Variants in RFX4 observed in about 807,000 individuals in gnomAD.
The protein encoded by RFX4 is regulatory factor X4.
RFX4 carries 10 observed loss-of-function variants against 95.0 expected under a neutral mutation model. The observed-to-expected ratio is 0.11, with a 90% CI of 0.06 to 0.18. The LOEUF is 0.18. Ranked by LOEUF, RFX4 falls within the 10% of genes least tolerant of loss-of-function variation. The pLI is 1.00. For missense variants in RFX4, 640 were observed against 922.0 expected, an observed-to-expected ratio of 0.69 and a Z score of 3.96; for synonymous variants, 321 against 340.7, an observed-to-expected ratio of 0.94 and a Z score of 0.64.
intron 3 of RFX4, 84 bp from the exon 4 acceptor site, chr12:106,654,144 A>G: frequency 2.6e-6 from 4 of 1,564,408 alleles, no homozygotes; most frequent in Non-Finnish European, 2.6e-6. Flanking sequence ...AGGACTGCCC[A>G]TCTCTGGAGG....
At chr12:106,754,603 T>C (rs1390320366) in intron 17 of RFX4, among the ~76,000 whole-genome samples, 1 of 152,158 alleles carries the variant, frequency 6.6e-6, no homozygotes, top group African/African-American at 2.4e-5. Flanking sequence ...TTAAAGCCAT[T>C]GCCATAAAAA....
At chr12:106,643,225 C>A (rs2040671460) in intron 3 of RFX4, among the ~76,000 whole-genome samples, 1 of 152,046 alleles carries the variant, frequency 6.6e-6, no homozygotes, top group Admixed American at 6.6e-5. Context: ...GTAGGGGGAA[C>A]AATGTCTCAG....
chr12:106,725,642 C>A (rs561096700), intron 13 of RFX4, among the ~76,000 whole-genome samples: 1 of 151,850 alleles, frequency 6.6e-6, no homozygotes, highest in Non-Finnish European at 1.5e-5. Context: ...ATTAAGGTAT[C>A]ATTACTAAAA....
In RFX4 at chr12:106,720,105, T is replaced by G. The variant is rs1391855492; in HGVS notation, c.1233+51T>G. The G allele has an allele frequency of 2.7e-6, 4 of 1,469,606 alleles. No homozygotes were observed. Among genetic ancestry groups the G allele is most frequent in the Non-Finnish European group, 3.8e-6 (4 of 1,049,740 alleles). The allele number at this position is 1,469,606 out of a possible 1,614,324, so 91.0% of individuals were successfully genotyped here. On this transcript the variant is annotated intron_variant, in intron 12 of 17. Transcript: ENST00000392842. This position sits in a 1 kb window ranked among gnomAD's most constrained non-coding sequence, Gnocchi z 4.2. ...AGCCTTGGGCCCTGCAGCCCACCAC[T>G]GCCCTCTGTGAACTTGGCCAAGACA...
intron 13 of RFX4, among the ~76,000 whole-genome samples, chr12:106,723,798 C>T (rs1288454338): frequency 6.6e-6 from 1 of 152,144 alleles, no homozygotes; most frequent in Non-Finnish European, 1.5e-5. Flanking sequence ...CAGGCCCCCA[C>T]CAAGCACTAA....
rs768888846 is a variant in RFX4 at position 106,620,303 on chromosome 12, C to T, written c.130+11420C>T. On this transcript the variant is annotated intron_variant, in intron 2 of 17. Transcript: ENST00000392842. ...CGTAGGTTCTATTTTCCATAAGTGT[C>T]GGCTGGCTGAGAAATAAAGAGAGAC... Among the ~76,000 whole-genome samples, 71 of 152,182 alleles carry T rather than the reference C, an allele frequency of 4.7e-4. 1 individual carries two copies. Among genetic ancestry groups the T allele is most frequent in the Non-Finnish European group, 6.6e-4 (45 of 68,014 alleles).
chr12:106,624,033 A>C (rs1256398485), intron 2 of RFX4, among the ~76,000 whole-genome samples: 1 of 152,200 alleles, frequency 6.6e-6, no homozygotes, highest in Non-Finnish European at 1.5e-5. Flanking sequence ...AGGTCCAGGC[A>C]TCAGGTCCAC....
intron 4 of RFX4, among the ~76,000 whole-genome samples, chr12:106,678,904 C>A (rs1269468409): frequency 2.0e-5 from 3 of 152,166 alleles, no homozygotes; most frequent in South Asian, 4.1e-4. Context: ...TATCATTAGA[C>A]ATTTATGCTG....
intron 15 of RFX4, among the ~76,000 whole-genome samples, chr12:106,735,901 G>A (rs2042701054): frequency 6.6e-6 from 1 of 152,208 alleles, no homozygotes; most frequent in Non-Finnish European, 1.5e-5. Flanking sequence ...CCCAAGGAAG[G>A]AGAGATTCTA....
In RFX4 at chr12:106,715,268, A is replaced by G. The variant is rs2042265543; in HGVS notation, c.994-132A>G. The G allele has an allele frequency of 2.9e-6, 3 of 1,028,262 alleles. No individual in the cohort carries two copies. In the Admixed American group the frequency reaches 8.3e-5, roughly 29 times the overall value. 63.7% of individuals were successfully genotyped at this position (1,028,262 alleles called of 1,614,324 possible). A position where few individuals can be genotyped will look rare whatever the true frequency, so the allele number is the denominator to read the frequency against. The stretch of plus-strand genomic sequence containing the variant: ...CAGAGTCTTCTGGTGCTTTCCTGAA[A>G]TTGAATTTCCCGGAATTTCAGGGTA... On this transcript the variant is annotated intron_variant, in intron 10 of 17. Coordinates refer to ENST00000392842, the MANE Select transcript of RFX4 (RefSeq NM_213594.3).
chr12:106,647,818 C>T (rs548051882), intron 3 of RFX4, among the ~76,000 whole-genome samples: 1 of 152,328 alleles, frequency 6.6e-6, no homozygotes, highest in African/African-American at 2.4e-5. Flanking sequence ...GTCTAGTCCT[C>T]ACAGCAAGCT....
intron 2 of RFX4, among the ~76,000 whole-genome samples, chr12:106,618,757 G>C (rs1205931612): frequency 1.3e-5 from 2 of 152,002 alleles, no homozygotes; most frequent in Non-Finnish European, 2.9e-5. Context: ...ACATTATTGA[G>C]TTTAAGTCAA....
intron 14 of RFX4, 94 bp downstream of exon 14, chr12:106,732,343 A>G: frequency 6.6e-7 from 1 of 1,515,948 alleles, no homozygotes. Context: ...TGTATCTCAA[A>G]GAATTTAGTT....
At chr12:106,670,866 A>T (rs554415073) in intron 4 of RFX4, among the ~76,000 whole-genome samples, 32 of 152,342 alleles carry the variant, frequency 2.1e-4, no homozygotes, top group African/African-American at 7.2e-4. Context: ...AAAGAAAGTG[A>T]ATATCCTGCT....
intron 4 of RFX4, among the ~76,000 whole-genome samples, chr12:106,673,862 C>G (rs909688914): frequency 6.6e-6 from 1 of 152,224 alleles, no homozygotes; most frequent in Non-Finnish European, 1.5e-5. Context: ...TCTCTCCCAC[C>G]TGGACTACTG....
intron 3 of RFX4, among the ~76,000 whole-genome samples, chr12:106,645,061 C>T (rs1319766789): frequency 6.6e-6 from 1 of 151,294 alleles, no homozygotes; most frequent in South Asian, 2.1e-4. Flanking sequence ...GAACAAATAA[C>T]ACCGCTCTAA....
chr12:106,705,014 TGGAGTAGGACAGCG>T (rs1004739682), intron 8 of RFX4, among the ~76,000 whole-genome samples: 27 of 152,262 alleles, frequency 1.8e-4, no homozygotes, highest in Middle Eastern at 3.4e-3. Context: ...TTCATCAAAG[TGGAGTAGGACAGCG>T]GTTGTAAGTC....
intron 17 of RFX4, 23 bp downstream of exon 17, chr12:106,750,816 T>C: frequency 4.6e-6 from 7 of 1,522,746 alleles, no homozygotes; most frequent in Non-Finnish European, 6.2e-6. Flanking sequence ...TCCTGGTTTC[T>C]TGGCCAGGCC....
At chr12:106,707,743 A>G (rs1469691253) in intron 8 of RFX4, among the ~76,000 whole-genome samples, 2 of 152,086 alleles carry the variant, frequency 1.3e-5, no homozygotes, top group African/African-American at 4.8e-5. Flanking sequence ...ATGTGGGAGA[A>G]AGGGCAGTGG....
Sources: allele counts gnomAD v4.1 joint callset (sites outside exome capture counted in the v4.1 genomes callset), GRCh38; gene constraint gnomAD v4.1.1; non-coding constraint Gnocchi (gnomAD v3.1); transcripts MANE v1.5; gene names NCBI Gene and HGNC (gene_info 2026-07-23, HGNC 2026-07-21).